Variants in TMEM47 observed in about 807,000 individuals in gnomAD.
TMEM47 encodes transmembrane protein 47.
In TMEM47, 3 loss-of-function variants were observed where a neutral mutation model predicts 12.4. The observed-to-expected ratio is 0.24, with a 90% CI of 0.11 to 0.63. The LOEUF (loss-of-function observed/expected upper bound fraction) is 0.63, where lower values mean the gene tolerates loss of function less well. Among genes scored for constraint, TMEM47 ranks in the 20% least tolerant of loss-of-function variants. The pLI is 0.86. For synonymous variants in TMEM47, 62 were observed against 63.3 expected, an observed-to-expected ratio of 0.98 and a Z score of 0.10; for missense variants, 89 against 143.8, an observed-to-expected ratio of 0.62 and a Z score of 1.95.
intron 1 of TMEM47, among the ~76,000 whole-genome samples, chrX:34,654,005 C>T (rs1282353480): frequency 1.8e-5 from 2 of 111,900 alleles, no homozygotes; most frequent in Non-Finnish European, 3.8e-5. Context: ...TTACGGCTGA[C>T]TGACAACCGG....
chrX:34,631,169 T>A (rs1243942353), intron 2 of TMEM47, among the ~76,000 whole-genome samples: 2 of 19,887 alleles, frequency 1.0e-4, no homozygotes, highest in Non-Finnish European at 7.4e-5. Context: ...AGACTCTGTC[T>A]CAAAAAAAAA....
In TMEM47 at chrX:34,628,631, A is replaced by G. The variant is rs187918746; in HGVS notation, c.*1682T>C. On this transcript the variant is annotated 3_prime_UTR_variant, in exon 3 of 3. Coordinates refer to ENST00000275954, the MANE Select transcript of TMEM47 (RefSeq NM_031442.4). ...AACTGTGTTTTGGGAGGTAAAACAA[A>G]TTATTAAATACTATCGATGTGGTCC... The G allele has an allele frequency of 5.4e-5, 6 of 110,698 alleles. No individual in the cohort carries two copies. Among genetic ancestry groups the G allele is most frequent in the African/African-American group, 2.0e-4 (6 of 30,452 alleles). The allele number at this position is 110,698 out of a possible 1,213,427, so 9.1% of individuals were successfully genotyped here.
intron 2 of TMEM47, among the ~76,000 whole-genome samples, chrX:34,637,780 A>G (rs930327741): frequency 7.2e-5 from 8 of 111,627 alleles, no homozygotes; most frequent in Admixed American, 5.7e-4. Flanking sequence ...GAAGTCTCGG[A>G]TAGAGATGTT....
chrX:34,629,401 C>T lies in TMEM47; in HGVS notation c.*912G>A. 9.0e-6 allele frequency: 1 copy of T among 111,547 alleles called. No individual in the cohort carries two copies. Among genetic ancestry groups the T allele is most frequent in the Non-Finnish European group, 1.9e-5 (1 of 53,095 alleles). The allele number at this position is 111,547 out of a possible 1,213,427, so 9.2% of individuals were successfully genotyped here. ...ATGTGTACAAGGTTAGTGCTCAAAC[C>T]ACTTCACTAGAGTAAATATTAATTT... On this transcript the variant is annotated 3_prime_UTR_variant, in exon 3 of 3. Transcript: ENST00000275954.
At chrX:34,648,968 G>A (rs1484060704) in intron 1 of TMEM47, among the ~76,000 whole-genome samples, 1 of 112,238 alleles carries the variant, frequency 8.9e-6, no homozygotes, top group African/African-American at 3.2e-5. Context: ...CTGATCATTA[G>A]AGAAATTCAA....
rs1313233630 is a variant in TMEM47, at chrX:34,629,403, C to T, written c.*910G>A. The T allele has an allele frequency of 9.0e-6, 1 of 111,688 alleles. No homozygotes were observed. Among genetic ancestry groups the T allele is most frequent in the East Asian group, 2.8e-4 (1 of 3,564 alleles). The allele number at this position is 111,688 out of a possible 1,213,427, so 9.2% of individuals were successfully genotyped here. ...GTGTACAAGGTTAGTGCTCAAACCA[C>T]TTCACTAGAGTAAATATTAATTTTA... On this transcript the variant is annotated 3_prime_UTR_variant, in exon 3 of 3. Coordinates refer to ENST00000275954, the MANE Select transcript of TMEM47 (RefSeq NM_031442.4).
At chrX:34,651,640 T>A (rs769872293) in intron 1 of TMEM47, among the ~76,000 whole-genome samples, 1 of 112,175 alleles carries the variant, frequency 8.9e-6, no homozygotes, top group South Asian at 3.7e-4. Flanking sequence ...TAAGAATCCA[T>A]CTTTACCACT....
chrX:34,642,395 A>G, intron 1 of TMEM47, among the ~76,000 whole-genome samples: 1 of 112,535 alleles, frequency 8.9e-6, no homozygotes, highest in Middle Eastern at 4.6e-3. Context: ...TCCTAATCGC[A>G]TATTGCTACA....
chrX:34,647,608 C>T, intron 1 of TMEM47, among the ~76,000 whole-genome samples: 1 of 111,343 alleles, frequency 9.0e-6, no homozygotes, highest in Non-Finnish European at 1.9e-5. Flanking sequence ...CACACACAAA[C>T]TTAGGAGTAA....
intron 1 of TMEM47, among the ~76,000 whole-genome samples, chrX:34,646,598 T>C (rs1201910355): frequency 8.9e-6 from 1 of 111,889 alleles, no homozygotes; most frequent in Non-Finnish European, 1.9e-5. Flanking sequence ...TTTTCACTCT[T>C]TGAATAAAAA....
chrX:34,648,302 A>T (rs1165521355), intron 1 of TMEM47, among the ~76,000 whole-genome samples: 3 of 112,247 alleles, frequency 2.7e-5, no homozygotes, highest in African/African-American at 9.7e-5. Context: ...ACAGGGCTAC[A>T]GTAACTAAAA....
At chrX:34,644,992 G>C (rs908690917) in intron 1 of TMEM47, among the ~76,000 whole-genome samples, 7 of 111,729 alleles carry the variant, frequency 6.3e-5, no homozygotes, top group African/African-American at 9.7e-5. Context: ...CTATCATCTT[G>C]AATTACAAGT....
chrX:34,656,692 C>G, intron 1 of TMEM47, 112 bp downstream of exon 1: 1 of 1,085,879 alleles, frequency 9.2e-7, no homozygotes, highest in Non-Finnish European at 1.2e-6. Context: ...CGGGGTGGGA[C>G]GGGCCAGGGC....
chrX:34,655,751 T>C (rs1355270859), intron 1 of TMEM47, among the ~76,000 whole-genome samples: 8 of 104,221 alleles, frequency 7.7e-5, no homozygotes, highest in Admixed American at 3.2e-4. Flanking sequence ...TATGTGTGTG[T>C]GTGTGAGTCT....
chrX:34,656,468 G>A (rs1365214180), intron 1 of TMEM47, among the ~76,000 whole-genome samples: 3 of 110,133 alleles, frequency 2.7e-5, no homozygotes, highest in Non-Finnish European at 5.7e-5. Context: ...GGTGTGGAAG[G>A]CGTCGCATTT....
intron 1 of TMEM47, among the ~76,000 whole-genome samples, chrX:34,650,809 T>C (rs1190104981): frequency 8.9e-6 from 1 of 112,208 alleles, no homozygotes; most frequent in Admixed American, 9.4e-5. Context: ...CATGTATCTC[T>C]CTGTTTGTGG....
intron 1 of TMEM47, among the ~76,000 whole-genome samples, chrX:34,651,443 C>T (rs1045949995): frequency 6.2e-5 from 7 of 112,222 alleles, no homozygotes; most frequent in African/African-American, 2.3e-4. Context: ...AATGACCCTA[C>T]AGTTCCAGAC....
At chrX:34,640,754 T>C (rs1458834281) in intron 1 of TMEM47, among the ~76,000 whole-genome samples, 2 of 111,456 alleles carry the variant, frequency 1.8e-5, no homozygotes, top group Non-Finnish European at 3.8e-5. Context: ...GAATTGCCAA[T>C]ACCCTAAGAT....
At chrX:34,635,498 T>A (rs775585387) in intron 2 of TMEM47, among the ~76,000 whole-genome samples, 166 of 111,433 alleles carry the variant, frequency 1.5e-3, no homozygotes, top group Non-Finnish European at 2.5e-3. Context: ...AGACCTCATG[T>A]GTTGTATCCA....
Sources: allele counts gnomAD v4.1 joint callset (sites outside exome capture counted in the v4.1 genomes callset), GRCh38; gene constraint gnomAD v4.1.1; transcripts MANE v1.5; gene names NCBI Gene and HGNC (gene_info 2026-07-23, HGNC 2026-07-21).